The following PTPRZ1 variants were observed in gnomAD, a reference collection of about 807,000 sequenced individuals.
PTPRZ1 encodes protein tyrosine phosphatase receptor type Z1, also known as receptor-type tyrosine-protein phosphatase zeta.
PTPRZ1 carries 82 observed loss-of-function variants against 214.1 expected under a neutral mutation model. The ratio of observed to expected loss-of-function variants is 0.38; its 90% CI spans 0.32 to 0.46. PTPRZ1 has a LOEUF of 0.46. Ranked by LOEUF, PTPRZ1 falls within the 20% of genes least tolerant of loss-of-function variation. The pLI is 1.00. For synonymous variants in PTPRZ1, 945 were observed against 987.9 expected (o/e 0.96, Z 0.81); for missense variants, 2,603 against 2,748.7 (o/e 0.95, Z 1.19).
At chr7:121,935,639 G>C (rs1261045908) in intron 2 of PTPRZ1, among the ~76,000 whole-genome samples, 1 of 151,970 alleles carries the variant, frequency 6.6e-6, no homozygotes, top group Non-Finnish European at 1.5e-5. Flanking sequence ...ATCTCGGCTT[G>C]CTGCTGCAAT....
In PTPRZ1 at chr7:122,011,417, G is replaced by T. The variant is rs372677921; in HGVS notation, c.2371G>T (p.Asp791Tyr). 1.2e-6 allele frequency: 2 copies of T among 1,614,034 alleles called. No individual in the cohort carries two copies. The highest frequency in any genetic ancestry group is 8.5e-7 in the Non-Finnish European group (1 of 1,180,014). ...LNTTPAASSS[D>Y]SALHATPVFP... Reference sequence around the variant, plus strand: ...CACTACCCCTGCTGCTTCAAGTAGTGATTCGGCCTTGCATGCTACGCCTGT... The same window carrying T: ...CACTACCCCTGCTGCTTCAAGTAGTTATTCGGCCTTGCATGCTACGCCTGT... The change falls in exon 12 of 30, where the codon GAT (aspartate) becomes TAT (tyrosine). Residue 791 changes from aspartate (D) to tyrosine (Y), a missense_variant. Transcript: ENST00000393386.
chr7:122,032,322 T>C (rs1392277185), intron 15 of PTPRZ1, among the ~76,000 whole-genome samples: 1 of 152,222 alleles, frequency 6.6e-6, no homozygotes, highest in East Asian at 1.9e-4. Context: ...TTGTTATTAT[T>C]TCTATTCATA....
chr7:121,993,280 G>A (rs892198564), intron 8 of PTPRZ1, among the ~76,000 whole-genome samples: 11 of 151,936 alleles, frequency 7.2e-5, no homozygotes, highest in Admixed American at 2.6e-4. Context: ...GGCCGGGTGC[G>A]GTGACTCATG....
intron 8 of PTPRZ1, among the ~76,000 whole-genome samples, chr7:121,989,400 G>C (rs1179977657): frequency 7.2e-6 from 1 of 138,850 alleles, no homozygotes; most frequent in Admixed American, 7.5e-5. Flanking sequence ...TTGAGTTGGA[G>C]TTTCACTCTT....
Position 122,013,598 on chromosome 7 carries a change from G to A in PTPRZ1, c.4552G>A (p.Gly1518Arg). 1 of 1,614,132 alleles carries A rather than the reference G, an allele frequency of 6.2e-7. No homozygotes were observed. Among genetic ancestry groups the A allele is most frequent in the Non-Finnish European group, 8.5e-7 (1 of 1,179,996 alleles). Residue 1518 changes from glycine (G) to arginine (R), a missense_variant, in exon 12 of 30, where the codon GGA becomes AGA. Gly to Arg is a moderately radical substitution (Grantham distance 125). Transcript: ENST00000393386. ...TGGGCTATCCCAAAAGCACAATGAT[G>A]GAAAAGAGGAAAATGACATTCAGAC... ...ANGLSQKHND[G>R]KEENDIQTGS...
chr7:121,979,704 A>T (rs528253890), intron 6 of PTPRZ1, among the ~76,000 whole-genome samples: 1 of 152,170 alleles, frequency 6.6e-6, no homozygotes, highest in African/African-American at 2.4e-5. Flanking sequence ...GCAAATAATG[A>T]TTGCAAAAAT....
intron 13 of PTPRZ1, among the ~76,000 whole-genome samples, chr7:122,019,765 A>C (rs1490634286): frequency 1.3e-5 from 2 of 152,204 alleles, no homozygotes; most frequent in Non-Finnish European, 2.9e-5. Flanking sequence ...ACAGCTAATG[A>C]CTATCTTAAG....
intron 2 of PTPRZ1, among the ~76,000 whole-genome samples, chr7:121,963,928 A>G (rs540690155): frequency 1.3e-5 from 2 of 149,022 alleles, no homozygotes; most frequent in Non-Finnish European, 3.0e-5. Flanking sequence ...TCATTGCGCT[A>G]TATGTTGTCC....
In PTPRZ1 at chr7:122,013,368, A is replaced by T. The variant is rs771409237; in HGVS notation, c.4322A>T (p.Lys1441Met). ...DRGSDGLSIH[K>M]CMSCSSYRES... ...GGTAGTGATGGCTTATCCATTCATA[A>T]GTGTATGTCATGCTCATCCTATAGA... is the stretch of plus-strand genomic sequence containing the variant. Residue 1441 changes from lysine (K) to methionine (M), a missense_variant, in exon 12 of 30, where the codon AAG becomes ATG. This residue lies in a region of PTPRZ1 where 1,913 missense variants were observed against 1,914.3 expected (regional missense o/e 1.00). Coordinates refer to ENST00000393386, the MANE Select transcript of PTPRZ1 (RefSeq NM_002851.3). 2 of 1,614,162 alleles carry T rather than the reference A, an allele frequency of 1.2e-6. No homozygotes were observed. Among genetic ancestry groups the T allele is most frequent in the Non-Finnish European group, 8.5e-7 (1 of 1,180,020 alleles).
intron 2 of PTPRZ1, among the ~76,000 whole-genome samples, chr7:121,934,239 G>T (rs1273224858): frequency 6.6e-6 from 1 of 152,112 alleles, no homozygotes; most frequent in Non-Finnish European, 1.5e-5. Context: ...GAAGGGCAAA[G>T]GTAGTTGGAC....
Position 121,969,958 on chromosome 7 carries a change from C to A in PTPRZ1, c.304+1828C>A, listed in dbSNP as rs1424666574. ...TAATGCTATCCCTCCCCCCTCCCCC[C>A]ACCCCGCAACAGGCCCAGGTGTGTG... On this transcript the variant is annotated intron_variant, in intron 3 of 29. Transcript: ENST00000393386. 4.2e-5 allele frequency among the ~76,000 whole-genome samples: 5 copies of A among 120,118 alleles called. No homozygotes were observed. The East Asian group carries it at 1.4e-3, about 34-fold the overall frequency. 78.8% of individuals were successfully genotyped at this position (120,118 alleles called of 152,430 possible).
Position 121,944,804 on chromosome 7 carries a change from A to G in PTPRZ1, c.124+16583A>G, listed in dbSNP as rs1796323919. Reference sequence around the variant, plus strand: ...ACTACAGGCAGGCACCACCATGTCCAGCTAATTTTTATATTTTTAGTAGAG... The same window carrying G: ...ACTACAGGCAGGCACCACCATGTCCGGCTAATTTTTATATTTTTAGTAGAG... On this transcript the variant is annotated intron_variant, in intron 2 of 29. Coordinates refer to ENST00000393386, the MANE Select transcript of PTPRZ1 (RefSeq NM_002851.3). Among the ~76,000 whole-genome samples the G allele has an allele frequency of 3.3e-5, 5 of 151,934 alleles. No homozygotes were observed. In the South Asian group the frequency reaches 1.0e-3, roughly 32 times the overall value.
chr7:121,888,397 T>C (rs976697938), intron 1 of PTPRZ1, among the ~76,000 whole-genome samples: 6 of 152,080 alleles, frequency 3.9e-5, no homozygotes, highest in African/African-American at 1.4e-4. Flanking sequence ...AGGGGAATAC[T>C]ATCAAAGGTA....
rs898006034 is a variant in PTPRZ1 at position 122,034,113 on chromosome 7, C to G, written c.5185C>G (p.Gln1729Glu). The part of the protein sequence containing the change: ...EEFETLKEFY[Q>E]EVQSCTVDLG... ...TCATTAGACACTGAAAGAGTTTTAC[C>G]AGGTAAGGCATTATTTCACTGCATT... Residue 1729 changes from glutamine (Q) to glutamate (E), a missense_variant and splice_region_variant, in exon 16 of 30, where the codon CAG (glutamine) becomes GAG (glutamate). By Grantham distance (29) the Gln-to-Glu change is conservative (BLOSUM62 2). Coordinates refer to ENST00000393386, the MANE Select transcript of PTPRZ1 (RefSeq NM_002851.3). 1.3e-6 allele frequency: 2 copies of G among 1,595,760 alleles called. No individual in the cohort carries two copies. Among genetic ancestry groups the G allele is most frequent in the Non-Finnish European group, 1.7e-6 (2 of 1,164,712 alleles).
intron 2 of PTPRZ1, among the ~76,000 whole-genome samples, chr7:121,964,657 A>G (rs1796988094): frequency 6.6e-6 from 1 of 152,112 alleles, no homozygotes; most frequent in African/African-American, 2.4e-5. Flanking sequence ...CATAATTAAT[A>G]TGTTAAAAGA....
intron 2 of PTPRZ1, among the ~76,000 whole-genome samples, chr7:121,967,728 G>GT (rs1290759482): frequency 6.6e-6 from 1 of 152,076 alleles, no homozygotes; most frequent in Non-Finnish European, 1.5e-5. Flanking sequence ...CTATAGACTT[G>GT]TTTTTTTATA....
intron 11 of PTPRZ1, among the ~76,000 whole-genome samples, chr7:122,007,084 G>A (rs918583956): frequency 1.3e-5 from 2 of 152,032 alleles, no homozygotes; most frequent in Non-Finnish European, 2.9e-5. Context: ...GTGGAGAGAG[G>A]CTGTGGAAAG....
At chr7:121,932,695 A>G (rs1795960241) in intron 2 of PTPRZ1, among the ~76,000 whole-genome samples, 1 of 152,218 alleles carries the variant, frequency 6.6e-6, no homozygotes, top group African/African-American at 2.4e-5. Flanking sequence ...TAGAAATATT[A>G]CATTACACAT....
chr7:121,925,843 C>G (rs1201447143), intron 1 of PTPRZ1, among the ~76,000 whole-genome samples: 2 of 152,092 alleles, frequency 1.3e-5, no homozygotes, highest in African/African-American at 4.8e-5. Flanking sequence ...GCAAGGTGCC[C>G]CACTGAAGTT....
Sources: allele counts gnomAD v4.1 joint callset (sites outside exome capture counted in the v4.1 genomes callset), GRCh38; gene constraint gnomAD v4.1.1; regional missense constraint gnomAD v4.1.1; transcripts MANE v1.5; gene names NCBI Gene and HGNC (gene_info 2026-07-23, HGNC 2026-07-21).